PLS1: variants seen among roughly 807,000 people sequenced by gnomAD.
The protein encoded by PLS1 is plastin-1.
In PLS1, 32 loss-of-function variants were observed where a neutral mutation model predicts 73.7. The observed-to-expected ratio is 0.43, with a 90% CI of 0.33 to 0.58. PLS1 has a LOEUF of 0.58. Ranked by LOEUF, PLS1 falls within the 20% of genes least tolerant of loss-of-function variation. The pLI is 0.04. For missense variants in PLS1, 633 were observed against 740.5 expected (o/e 0.85, Z 1.68); for synonymous variants, 217 against 261.3 (o/e 0.83, Z 1.63).
At chr3:142,709,027 A>C (rs1932980613) in intron 14 of PLS1, among the ~76,000 whole-genome samples, 1 of 152,246 alleles carries the variant, frequency 6.6e-6, no homozygotes, top group Non-Finnish European at 1.5e-5. Flanking sequence ...TAAGGAATCA[A>C]ATTATAGCAC....
intron 1 of PLS1, among the ~76,000 whole-genome samples, chr3:142,612,495 A>G (rs982383163): frequency 1.3e-5 from 2 of 152,232 alleles, no homozygotes; most frequent in African/African-American, 4.8e-5. Context: ...CTGTAGATAT[A>G]GCCTTAGTCC....
chr3:142,630,893 G>C (rs1384849385), intron 1 of PLS1, among the ~76,000 whole-genome samples: 1 of 148,036 alleles, frequency 6.8e-6, no homozygotes, highest in East Asian at 2.0e-4. Flanking sequence ...CTGGCATAAA[G>C]ACATATATAT....
intron 9 of PLS1, 36 bp downstream of exon 9, chr3:142,686,412 G>A (rs766371827): frequency 8.2e-7 from 1 of 1,213,002 alleles, no homozygotes; most frequent in South Asian, 1.2e-5. Context: ...ATATATTGTG[G>A]TAAAACAGAC....
rs753306077 is a variant in PLS1 at position 142,601,691 on chromosome 3, T to A, written c.-37+5182T>A. Among the ~76,000 whole-genome samples, 128 of 152,016 alleles carry A rather than the reference T, an allele frequency of 8.4e-4. 1 individual carries two copies. The highest frequency in any genetic ancestry group is 2.3e-3 in the Admixed American group (35 of 15,252). ...AACGTGCCCGGCTTATTAAAAAAAA[T>A]TTTTTTATAGTGATAAGGTCTTGCT... On this transcript the variant is annotated intron_variant, in intron 1 of 15. Coordinates refer to ENST00000457734, the MANE Select transcript of PLS1 (RefSeq NM_001145319.2).
At chr3:142,708,396 G>A (rs560277412) in intron 14 of PLS1, among the ~76,000 whole-genome samples, 4 of 152,062 alleles carry the variant, frequency 2.6e-5, no homozygotes, top group East Asian at 1.9e-4. Flanking sequence ...ACAGGCGCCC[G>A]CCATCACGCC....
chr3:142,626,704 C>G (rs956058251), intron 1 of PLS1, among the ~76,000 whole-genome samples: 1 of 152,162 alleles, frequency 6.6e-6, no homozygotes, highest in Non-Finnish European at 1.5e-5. Context: ...AAGACTCCTA[C>G]TAAGATTAGA....
intron 6 of PLS1, among the ~76,000 whole-genome samples, chr3:142,680,627 A>G (rs2037831862): frequency 1.3e-5 from 2 of 152,328 alleles, no homozygotes; most frequent in South Asian, 4.1e-4. Flanking sequence ...TCCTCCATAC[A>G]GATCTTGTAT....
At chr3:142,670,418 A>C (rs549369021) in intron 3 of PLS1, among the ~76,000 whole-genome samples, 1 of 152,286 alleles carries the variant, frequency 6.6e-6, no homozygotes, top group South Asian at 2.1e-4. Flanking sequence ...TTTATCCTAA[A>C]AGCAATAGGA....
At chr3:142,615,304 A>G (rs1380609974) in intron 1 of PLS1, among the ~76,000 whole-genome samples, 1 of 152,164 alleles carries the variant, frequency 6.6e-6, no homozygotes, top group Non-Finnish European at 1.5e-5. Context: ...CCACAGGAGC[A>G]AGAACATTAT....
At chr3:142,598,025 C>G (rs998304868) in intron 1 of PLS1, among the ~76,000 whole-genome samples, 1 of 152,200 alleles carries the variant, frequency 6.6e-6, no homozygotes, top group Non-Finnish European at 1.5e-5. Flanking sequence ...TTGCCTCCCT[C>G]TTTCCGTATT....
intron 1 of PLS1, among the ~76,000 whole-genome samples, chr3:142,625,012 C>T (rs150667128): frequency 4.4e-4 from 67 of 152,226 alleles, no homozygotes; most frequent in African/African-American, 1.4e-3. Flanking sequence ...TTTGATTACC[C>T]TTATTAGGTT....
chr3:142,658,981 A>G (rs1450927321), intron 1 of PLS1, among the ~76,000 whole-genome samples: 1 of 152,144 alleles, frequency 6.6e-6, no homozygotes, highest in Non-Finnish European at 1.5e-5. Context: ...TATTTTGTCT[A>G]CCTTCCTTGG....
At chr3:142,619,860 T>G (rs748151435) in intron 1 of PLS1, among the ~76,000 whole-genome samples, 32 of 152,232 alleles carry the variant, frequency 2.1e-4, no homozygotes, top group Admixed American at 1.1e-3. Flanking sequence ...TAATTCATAT[T>G]CTGTCAGATT....
intron 10 of PLS1, among the ~76,000 whole-genome samples, chr3:142,692,176 G>A (rs2107917439): frequency 6.6e-6 from 1 of 152,194 alleles, no homozygotes; most frequent in African/African-American, 2.4e-5. Context: ...ACATTTGAGT[G>A]TTAAATATAT....
rs530536955 is a variant in PLS1, at chr3:142,689,200, G to C, written c.982-418G>C. Among the ~76,000 whole-genome samples, 10 of 152,252 alleles carry C rather than the reference G, an allele frequency of 6.6e-5. No homozygotes were observed. In the South Asian group the frequency reaches 1.9e-3, roughly 28 times the overall value. On this transcript the variant is annotated intron_variant, in intron 9 of 15. Coordinates refer to ENST00000457734, the MANE Select transcript of PLS1 (RefSeq NM_001145319.2). ...TATAATCCCAGCACTTTGGGAGGCC[G>C]AGGTGGGCGGATCAGGAGTTCGAAA...
intron 1 of PLS1, among the ~76,000 whole-genome samples, chr3:142,637,654 T>C (rs6784089): frequency 0.6 from 91,436 of 152,010 alleles, 28,162 homozygotes; most frequent in African/African-American, 0.73. Flanking sequence ...GTGTAAATTA[T>C]GTTTTAAGAA....
intron 8 of PLS1, among the ~76,000 whole-genome samples, chr3:142,685,212 C>T (rs1354822367): frequency 1.3e-5 from 2 of 152,182 alleles, no homozygotes; most frequent in Non-Finnish European, 2.9e-5. Flanking sequence ...GGAGATTTCT[C>T]TTATTCTGAA....
intron 1 of PLS1, among the ~76,000 whole-genome samples, chr3:142,638,712 CATTTTATTTTATTTTATTTT>C (rs67652440): frequency 3.6e-4 from 54 of 149,562 alleles, no homozygotes; most frequent in African/African-American, 6.0e-4. Flanking sequence ...CACTTATCTT[CATTTTATTTTATTTTATTTT>C]ATTTTATTTT....
intron 1 of PLS1, among the ~76,000 whole-genome samples, chr3:142,634,523 T>C (rs1195854395): frequency 2.6e-5 from 4 of 152,214 alleles, no homozygotes; most frequent in African/African-American, 9.6e-5. Context: ...ATTTGTCTAT[T>C]TCTCACTGCA....
Sources: allele counts gnomAD v4.1 joint callset (sites outside exome capture counted in the v4.1 genomes callset), GRCh38; gene constraint gnomAD v4.1.1; transcripts MANE v1.5; gene names NCBI Gene and HGNC (gene_info 2026-07-23, HGNC 2026-07-21).